The following LUZP2 variants were observed in gnomAD, a reference collection of about 807,000 sequenced individuals.
The protein encoded by LUZP2 is leucine zipper protein 2.
In LUZP2, 52 loss-of-function variants were observed where a neutral mutation model predicts 51.6. That is an observed-to-expected ratio of 1.01 (90% CI 0.81 to 1.27). The LOEUF is 1.27. Among genes scored for constraint, LUZP2 ranks in the 50% most tolerant of loss-of-function variants. The pLI is 0.00. For missense variants in LUZP2, 436 were observed against 395.4 expected, an observed-to-expected ratio of 1.10 and a Z score of -0.87; for synonymous variants, 154 against 137.3, an observed-to-expected ratio of 1.12 and a Z score of -0.85.
At chr11:24,657,663 G>T (rs1011810748) in intron 1 of LUZP2, among the ~76,000 whole-genome samples, 1 of 152,276 alleles carries the variant, frequency 6.6e-6, no homozygotes, top group East Asian at 1.9e-4. Context: ...GACATGAATT[G>T]TATATCTAGA....
chr11:24,594,145 T>TA (rs1211809964), intron 1 of LUZP2, among the ~76,000 whole-genome samples: 6 of 152,212 alleles, frequency 3.9e-5, no homozygotes, highest in Non-Finnish European at 8.8e-5. Context: ...CTGCCTAATT[T>TA]ATGTGGTTGA....
intron 1 of LUZP2, among the ~76,000 whole-genome samples, chr11:24,512,030 T>C (rs1850326114): frequency 6.6e-6 from 1 of 152,118 alleles, no homozygotes; most frequent in Non-Finnish European, 1.5e-5. Context: ...GGAGAGTGAA[T>C]AAAGAAAGTT....
intron 1 of LUZP2, among the ~76,000 whole-genome samples, chr11:24,602,779 G>A (rs1360184498): frequency 6.6e-6 from 1 of 151,552 alleles, no homozygotes. Context: ...CATTTCCTCT[G>A]TTTTCAAGCT....
At chr11:24,815,444 T>A (rs1264820433) in intron 5 of LUZP2, among the ~76,000 whole-genome samples, 1 of 152,198 alleles carries the variant, frequency 6.6e-6, no homozygotes, top group African/African-American at 2.4e-5. Context: ...TGGAATTGGA[T>A]GTTTTGATAC....
chr11:25,038,131 C>T (rs1857921814), intron 9 of LUZP2, among the ~76,000 whole-genome samples: 1 of 151,802 alleles, frequency 6.6e-6, no homozygotes, highest in Non-Finnish European at 1.5e-5. Context: ...CTCTCCTCTC[C>T]CAGGAATGCC....
chr11:25,029,498 G>T (rs1857585358), intron 9 of LUZP2, among the ~76,000 whole-genome samples: 1 of 152,074 alleles, frequency 6.6e-6, no homozygotes, highest in African/African-American at 2.4e-5. Context: ...AGTACTTTGG[G>T]AGGCAAGGCA....
At chr11:24,908,636 G>T (rs899326244) in intron 6 of LUZP2, among the ~76,000 whole-genome samples, 24 of 151,974 alleles carry the variant, frequency 1.6e-4, no homozygotes, top group Middle Eastern at 3.4e-3. Context: ...GTGTTAGCTG[G>T]GTTTTGAATT....
intron 7 of LUZP2, among the ~76,000 whole-genome samples, chr11:24,973,364 G>GTTTTTTTTTTTTTTTTTTTTTTTTT (rs369095558): frequency 9.7e-6 from 1 of 102,998 alleles, no homozygotes; most frequent in Non-Finnish European, 1.9e-5. Context: ...ATATTTATTA[G>GTTTTTTTTTTTTTTTTTTTTTTTTT]TTTTTTTTTT....
intron 1 of LUZP2, among the ~76,000 whole-genome samples, chr11:24,613,431 A>G (rs1031122607): frequency 1.3e-5 from 2 of 152,138 alleles, no homozygotes; most frequent in African/African-American, 4.8e-5. Flanking sequence ...AAAAAATGAC[A>G]TAGGGTAAAA....
intron 5 of LUZP2, among the ~76,000 whole-genome samples, chr11:24,881,061 G>T (rs1852451541): frequency 6.6e-6 from 1 of 152,086 alleles, no homozygotes; most frequent in Non-Finnish European, 1.5e-5. Context: ...CAAGAACAGG[G>T]TTTGAAATTT....
intron 1 of LUZP2, among the ~76,000 whole-genome samples, chr11:24,578,790 G>C (rs1229676691): frequency 1.3e-5 from 2 of 151,900 alleles, no homozygotes; most frequent in Non-Finnish European, 2.9e-5. Flanking sequence ...AGGAGGGAGG[G>C]GGACAAAGTT....
rs1196909643 is a variant in LUZP2, at chr11:24,614,863, C to A, written c.63-114306C>A. Among the ~76,000 whole-genome samples, 3 of 152,010 alleles carry A rather than the reference C, an allele frequency of 2.0e-5. No individual in the cohort carries two copies. In the East Asian group the frequency reaches 5.8e-4, roughly 29 times the overall value. On this transcript the variant is annotated intron_variant, in intron 1 of 11. Coordinates refer to ENST00000336930, the MANE Select transcript of LUZP2 (RefSeq NM_001009909.4). The stretch of plus-strand genomic sequence containing the variant: ...TTGATTACTTCTTTATAATTTCTAT[C>A]TCAACCTCATAGACTTTATCTGCCT...
intron 7 of LUZP2, among the ~76,000 whole-genome samples, chr11:24,968,585 G>T (rs1000738636): frequency 1.3e-5 from 2 of 151,930 alleles, no homozygotes; most frequent in African/African-American, 4.8e-5. Context: ...TTCTATTATT[G>T]CCCTTGTATA....
At chr11:24,641,592 G>C (rs1336480929) in intron 1 of LUZP2, among the ~76,000 whole-genome samples, 1 of 151,716 alleles carries the variant, frequency 6.6e-6, no homozygotes, top group Non-Finnish European at 1.5e-5. Context: ...CCTTCAAATT[G>C]AATATTTACT....
At chr11:25,023,028 A>G (rs1857384850) in intron 9 of LUZP2, among the ~76,000 whole-genome samples, 1 of 152,082 alleles carries the variant, frequency 6.6e-6, no homozygotes, top group South Asian at 2.1e-4. Context: ...AAACTTTTTG[A>G]TATGCTGCTG....
chr11:24,826,192 T>A (rs373254729), intron 5 of LUZP2, among the ~76,000 whole-genome samples: 13,042 of 52,132 alleles, frequency 0.25, 856 homozygotes, highest in South Asian at 0.36. Context: ...AAAAAAAAAA[T>A]ATATATATAT....
chr11:24,512,935 T>C (rs1290791247), intron 1 of LUZP2, among the ~76,000 whole-genome samples: 1 of 152,032 alleles, frequency 6.6e-6, no homozygotes, highest in Non-Finnish European at 1.5e-5. Context: ...CTGTTGTACT[T>C]TTATTAGAGA....
chr11:24,901,561 A>G (rs1853283666), intron 5 of LUZP2, among the ~76,000 whole-genome samples: 1 of 152,182 alleles, frequency 6.6e-6, no homozygotes, highest in Non-Finnish European at 1.5e-5. Context: ...CTTCTTGACC[A>G]AACTTTAGAC....
chr11:24,576,947 A>G (rs554562037), intron 1 of LUZP2, among the ~76,000 whole-genome samples: 2 of 152,080 alleles, frequency 1.3e-5, no homozygotes, highest in Non-Finnish European at 2.9e-5. Flanking sequence ...AAAGAATCGT[A>G]TGTTCAATCA....
Sources: allele counts gnomAD v4.1 joint callset (sites outside exome capture counted in the v4.1 genomes callset), GRCh38; gene constraint gnomAD v4.1.1; transcripts MANE v1.5; gene names NCBI Gene and HGNC (gene_info 2026-07-23, HGNC 2026-07-21).